LDHD: variants seen among roughly 807,000 people sequenced by gnomAD.
The protein encoded by LDHD is D-lactate dehydrogenase, mitochondrial.
A neutral mutation model predicts 52.9 loss-of-function variants in LDHD; 58 were observed. The ratio of observed to expected loss-of-function variants is 1.10; its 90% confidence interval spans 0.89 to 1.36. The LOEUF is 1.36. Ranked by LOEUF, LDHD falls within the 40% of genes most tolerant of loss-of-function variation. The pLI is 0.00. For missense variants in LDHD, 747 were observed against 668.0 expected (o/e 1.12, Z -1.30); for synonymous variants, 350 against 288.6 (o/e 1.21, Z -2.16).
rs1217568928 is a variant in LDHD, at chr16:75,113,971, C to T, written c.824G>A (p.Arg275His). 8.8e-6 allele frequency: 14 copies of T among 1,598,014 alleles called. No homozygotes were observed. Among genetic ancestry groups the T allele is most frequent in the South Asian group, 1.1e-5 (1 of 89,298 alleles). The change falls in exon 6 of 11, where the codon CGC becomes CAC. Residue 275 changes from arginine (R) to histidine (H), a missense_variant. By Grantham distance (29) the Arg-to-His change is conservative. Transcript: ENST00000450168. ...HILQAAVPVA[R>H]IEFLDEVMMD... is the part of the protein sequence containing the mutation. ...TGCCCCCATCCTCAGCTCACCAATG[C>T]GGGCTACGGGCACTGCAGCCTGGAG...
chr16:75,112,132 C>G lies in LDHD; in HGVS notation c.*224G>C, dbSNP rs1056270820. On this transcript the variant is annotated 3_prime_UTR_variant, in exon 11 of 11. Coordinates refer to ENST00000450168, the MANE Select transcript of LDHD (RefSeq NM_194436.3). ...AGCTTTGCTGGGAACCACCCTGGGT[C>G]GTTTACTGAACCAAAGGCTCCTGGG... The G allele has an allele frequency of 1.3e-5, 7 of 556,436 alleles. No homozygotes were observed. The highest frequency in any genetic ancestry group is 2.2e-5 in the Non-Finnish European group (7 of 316,822). 34.5% of individuals were successfully genotyped at this position (556,436 alleles called of 1,614,324 possible). A position where few individuals can be genotyped will look rare whatever the true frequency, so the allele number is the denominator to read the frequency against.
Position 75,115,191 on chromosome 16 carries a change from A to C in LDHD, c.327+7T>G, listed in dbSNP as rs750154801. On this transcript the variant is annotated splice_region_variant and intron_variant, in intron 3 of 10. Coordinates refer to ENST00000450168, the MANE Select transcript of LDHD (RefSeq NM_194436.3). ...TCCTCGGGCCGGGCGAGGGAGCCCC[A>C]CTGTACCTGCACAGCACAGACGCCA... 8.9e-5 allele frequency: 144 copies of C among 1,610,230 alleles called. No homozygotes were observed. The highest frequency in any genetic ancestry group is 5.5e-4 in the Middle Eastern group (3 of 5,422).
At chr16:75,113,068 C>G (rs2036445077) in intron 8 of LDHD, 144 bp from the exon 9 acceptor site, 3 of 657,268 alleles carry the variant, frequency 4.6e-6, no homozygotes, top group Non-Finnish European at 8.2e-6. Flanking sequence ...CTCTAGGCCT[C>G]AGCCCTCACC....
intron 1 of LDHD, 180 bp downstream of exon 1, chr16:75,116,469 T>C: frequency 1.9e-6 from 1 of 536,778 alleles, no homozygotes; most frequent in South Asian, 2.4e-5. Context: ...CAGTGGGGAC[T>C]CAGCTGATCT....
At chr16:75,116,235 C>T (rs900698592) in intron 1 of LDHD, among the ~76,000 whole-genome samples, 2 of 152,214 alleles carry the variant, frequency 1.3e-5, no homozygotes, top group Non-Finnish European at 2.9e-5. Flanking sequence ...CTTCCACTGC[C>T]CCCTCCCCAC....
At position 75,112,401 on chromosome 16, in the gene LDHD, G is replaced by C. The variant is rs548946363; in HGVS notation, c.1410C>G (p.Ala470=). ...TCATGAGGCCTTGGGGGTCTAGCAC[G>C]GCCTTGAGCTGCCGCATGGTCTCCA... is the stretch of plus-strand genomic sequence containing the variant. The part of the protein sequence containing the change: ...VGVETMRQLK[A]VLDPQGLMNP... Residue 470 remains alanine (A), a synonymous_variant, in exon 11 of 11, where the codon GCC becomes GCG. Transcript: ENST00000450168. The C allele has an allele frequency of 5.5e-5, 89 of 1,613,468 alleles. 3 individuals carry two copies. The South Asian group carries it at 9.6e-4, about 17-fold the overall frequency.
In LDHD at chr16:75,112,682, G is replaced by A. The variant is rs377240367; in HGVS notation, c.1209C>T (p.Asn403=). 11 of 1,614,000 alleles carry A rather than the reference G, an allele frequency of 6.8e-6. No individual in the cohort carries two copies. In the African/African-American group the frequency reaches 1.5e-4, roughly 22 times the overall value. The part of the protein sequence containing the change: ...GSIVGHVGDG[N]FHCILLVNPD... ...GGTTGACCAGCAGGATGCAGTGGAA[G>A]TTGCCGTCACCCACATGCCCGACAA... is the stretch of plus-strand genomic sequence containing the variant. The change falls in exon 10 of 11, where the codon AAC becomes AAT. Residue 403 remains asparagine (N), a synonymous_variant. Transcript: ENST00000450168.
chr16:75,113,455 C>G (rs966219897), intron 8 of LDHD, 80 bp downstream of exon 8: 7 of 1,485,270 alleles, frequency 4.7e-6, no homozygotes, highest in African/African-American at 1.4e-5. Flanking sequence ...GCCTGCTGCT[C>G]TGTGCAGTAG....
In LDHD at chr16:75,115,326, C is replaced by T. The variant is rs2036524525; in HGVS notation, c.199G>A (p.Asp67Asn). The change falls in exon 3 of 11, where the codon GAT becomes AAT. Residue 67 changes from aspartate (D) to asparagine (N), a missense_variant. By Grantham distance (23) the Asp-to-Asn change is conservative (BLOSUM62 1). Transcript: ENST00000450168. ...ACGTTCTGGGGCCACACCACAGCAT[C>T]AGGAGGTTCGCACCTAGAACCAGAC... ...DESVHRCEPP[D>N]AVVWPQNVEQ... 21 of 1,613,650 alleles carry T rather than the reference C, an allele frequency of 1.3e-5. No homozygotes were observed. In the East Asian group the frequency reaches 4.5e-4, roughly 34 times the overall value.
intron 1 of LDHD, 176 bp downstream of exon 1, chr16:75,116,473 C>G (rs2036559228): frequency 1.8e-6 from 1 of 548,198 alleles, no homozygotes; most frequent in Admixed American, 4.0e-5. Context: ...GGGGACTCAG[C>G]TGATCTCACT....
In LDHD at chr16:75,116,643, C is replaced by G. The variant is rs2145445373; in HGVS notation, c.72+6G>C. ...CCTCCAGAGGACTTCTCTTCTCTCC[C>G]GGTACCTTTGCCTTCTGGGAGCAGT... On this transcript the variant is annotated splice_donor_region_variant and intron_variant, in intron 1 of 10. Coordinates refer to ENST00000450168, the MANE Select transcript of LDHD (RefSeq NM_194436.3). 1 of 1,605,590 alleles carries G rather than the reference C, an allele frequency of 6.2e-7. No individual in the cohort carries two copies. The highest frequency in any genetic ancestry group is 2.3e-5 in the East Asian group (1 of 44,200).
chr16:75,115,194 G>T lies in LDHD; in HGVS notation c.327+4C>A, dbSNP rs1375911228. 1.2e-6 allele frequency: 2 copies of T among 1,611,604 alleles called. No homozygotes were observed. The highest frequency in any genetic ancestry group is 1.7e-6 in the Non-Finnish European group (2 of 1,179,878). ...TCGGGCCGGGCGAGGGAGCCCCACT[G>T]TACCTGCACAGCACAGACGCCACCC... On this transcript the variant is annotated splice_donor_region_variant and intron_variant, in intron 3 of 10. Coordinates refer to ENST00000450168, the MANE Select transcript of LDHD (RefSeq NM_194436.3).
intron 5 of LDHD, 109 bp from the exon 6 acceptor site, chr16:75,114,274 G>A: frequency 6.4e-7 from 1 of 1,553,274 alleles, no homozygotes; most frequent in East Asian, 2.3e-5. Flanking sequence ...TGAGGTCTGG[G>A]CTGGCCTCCC....
chr16:75,112,470 C>T lies in LDHD; in HGVS notation c.1341G>A (p.Met447Ile). The T allele has an allele frequency of 6.2e-7, 1 of 1,613,448 alleles. No homozygotes were observed. Among genetic ancestry groups the T allele is most frequent in the Non-Finnish European group, 8.5e-7 (1 of 1,180,022 alleles). ...GTCTGEHGIG[M>I]GKRQLLQEEV... is the part of the protein sequence containing the mutation. Reference sequence around the variant, plus strand: ...CCTCCTGCAGCAGCTGCCGCTTGCCCATTCCGATGCCATGCTCCCCCGTGC... The same window carrying T: ...CCTCCTGCAGCAGCTGCCGCTTGCCTATTCCGATGCCATGCTCCCCCGTGC... The change falls in exon 11 of 11, where the codon ATG becomes ATA. Residue 447 changes from methionine to isoleucine, a missense_variant. Transcript: ENST00000450168.
chr16:75,114,560 G>A lies in LDHD; in HGVS notation c.595C>T (p.Leu199=). ...CGGCCTCGGCCCGCCGTGTGCAGCA[G>A]CCGCCCGTCGGGCAGCACCACCTCC... is the stretch of plus-strand genomic sequence containing the variant. The part of the protein sequence containing the change: ...NLEVVLPDGR[L]LHTAGRGRHF... Residue 199 remains leucine (L), a synonymous_variant, in exon 5 of 11, where the codon CTG becomes TTG. Transcript: ENST00000450168. 1 of 1,530,786 alleles carries A rather than the reference G, an allele frequency of 6.5e-7. No homozygotes were observed. Among genetic ancestry groups the A allele is most frequent in the Non-Finnish European group, 8.7e-7 (1 of 1,143,738 alleles). The allele number at this position is 1,530,786 out of a possible 1,614,324, so 94.8% of individuals were successfully genotyped here.
rs762942592 is a variant in LDHD, at chr16:75,112,188, T to C, written c.*168A>G. The C allele has an allele frequency of 3.9e-6, 3 of 775,798 alleles. No individual in the cohort carries two copies. The highest frequency in any genetic ancestry group is 6.0e-6 in the Non-Finnish European group (3 of 495,970). 48.1% of individuals were successfully genotyped at this position (775,798 alleles called of 1,614,324 possible). On this transcript the variant is annotated 3_prime_UTR_variant, in exon 11 of 11. Coordinates refer to ENST00000450168, the MANE Select transcript of LDHD (RefSeq NM_194436.3). ...CCAGAGGGCCAGGGAGGTAACACGG[T>C]GCTCAGGCTTCTCTCTGGGCCCTCT... is the stretch of plus-strand genomic sequence containing the variant.
Position 75,113,958 on chromosome 16 carries a change from C to T in LDHD, c.829+8G>A, listed in dbSNP as rs1012865334. ...AGCCCACCCTGACTGCCCCCATCCT[C>T]AGCTCACCAATGCGGGCTACGGGCA... On this transcript the variant is annotated splice_region_variant and intron_variant, in intron 6 of 10. Coordinates refer to ENST00000450168, the MANE Select transcript of LDHD (RefSeq NM_194436.3). 12 of 1,602,568 alleles carry T rather than the reference C, an allele frequency of 7.5e-6. No homozygotes were observed. The East Asian group carries it at 1.3e-4, about 18-fold the overall frequency.
intron 5 of LDHD, 75 bp downstream of exon 5, chr16:75,114,451 C>G (rs746956687): frequency 1.1e-5 from 16 of 1,415,618 alleles, no homozygotes; most frequent in Non-Finnish European, 1.5e-5. Context: ...GTGCTTTTCA[C>G]AGCCCGGTCT....
intron 1 of LDHD, among the ~76,000 whole-genome samples, 197 bp from the exon 2 acceptor site, chr16:75,115,857 G>A (rs2036544651): frequency 6.6e-6 from 1 of 152,108 alleles, no homozygotes. Context: ...TCCAAACAGA[G>A]CCATTGGGGG....
Sources: allele counts gnomAD v4.1 joint callset (sites outside exome capture counted in the v4.1 genomes callset), GRCh38; gene constraint gnomAD v4.1.1; transcripts MANE v1.5; gene names NCBI Gene and HGNC (gene_info 2026-07-23, HGNC 2026-07-21).